The following GPHN variants were observed in gnomAD, a reference collection of about 807,000 sequenced individuals.
The protein encoded by GPHN is gephyrin.
In GPHN, 17 loss-of-function variants were observed where a neutral mutation model predicts 95.5. That is an observed-to-expected ratio of 0.18 (90% CI 0.12 to 0.27). The LOEUF (loss-of-function observed/expected upper bound fraction) is 0.27. Among genes scored for constraint, GPHN ranks in the 10% least tolerant of loss-of-function variants. The pLI is 1.00. For missense variants in GPHN, 660 were observed against 978.1 expected (o/e 0.67, Z 4.34); for synonymous variants, 320 against 322.5 (o/e 0.99, Z 0.08).
At chr14:66,756,400 G>T (rs141641050) in intron 2 of GPHN, among the ~76,000 whole-genome samples, 77 of 152,072 alleles carry the variant, frequency 5.1e-4, no homozygotes, top group African/African-American at 1.7e-3. Context: ...ATCTAAACCT[G>T]TGGTTGTGTA....
At chr14:67,717,951 T>G in the GPHN span, 1 of 152,206 alleles carries the variant, frequency 6.6e-6, no homozygotes, top group Non-Finnish European at 1.5e-5. Context: ...TAAGGGTTGC[T>G]GATCCCTTGA....
chr14:67,636,549 T>C, the GPHN span, among the ~76,000 whole-genome samples: 1 of 152,216 alleles, frequency 6.6e-6, no homozygotes, highest in Non-Finnish European at 1.5e-5. Context: ...GAAATAGAAG[T>C]GCTGTTCACA....
chr14:67,600,743 C>T, the GPHN span, among the ~76,000 whole-genome samples: 1 of 152,176 alleles, frequency 6.6e-6, no homozygotes, highest in East Asian at 1.9e-4. Context: ...CCACGCCCTG[C>T]TGATTTTTGT....
At chr14:67,089,112 T>G in intron 12 of GPHN, 37 bp downstream of exon 12, 1 of 780,476 alleles carries the variant, frequency 1.3e-6, no homozygotes. Context: ...AATCAGGCAC[T>G]GTATTTTTTT....
At chr14:67,492,076 C>T in the GPHN span, among the ~76,000 whole-genome samples, 71 of 152,310 alleles carry the variant, frequency 4.7e-4, 1 homozygote, top group Middle Eastern at 6.8e-3. Context: ...TTTCCCTCTC[C>T]TCTCCCCCTT....
the GPHN span, among the ~76,000 whole-genome samples, chr14:67,598,032 C>T: frequency 6.6e-6 from 1 of 152,142 alleles, no homozygotes; most frequent in African/African-American, 2.4e-5. Context: ...AATCCGTGCC[C>T]TACTATCTGC....
chr14:66,840,414 A>G (rs1208669652), intron 4 of GPHN, among the ~76,000 whole-genome samples: 2 of 152,152 alleles, frequency 1.3e-5, no homozygotes, highest in Non-Finnish European at 2.9e-5. Flanking sequence ...CTCAAATTTT[A>G]GTTATTGCTC....
intron 18 of GPHN, among the ~76,000 whole-genome samples, chr14:67,150,910 AT>A (rs1311426613): frequency 1.3e-5 from 2 of 152,128 alleles, no homozygotes; most frequent in Non-Finnish European, 2.9e-5. Flanking sequence ...TTTGCTACAG[AT>A]TTATCCTAAT....
intron 4 of GPHN, among the ~76,000 whole-genome samples, chr14:66,838,525 C>T (rs1489152629): frequency 1.3e-5 from 2 of 152,110 alleles, no homozygotes; most frequent in Non-Finnish European, 2.9e-5. Context: ...CCAGTTCACC[C>T]TTCCAAATCT....
At chr14:66,839,600 G>A (rs1426655438) in intron 4 of GPHN, among the ~76,000 whole-genome samples, 1 of 152,106 alleles carries the variant, frequency 6.6e-6, no homozygotes. Flanking sequence ...TTTGAATATT[G>A]TATAACTATA....
At chr14:66,595,388 A>G (rs577312807) in intron 1 of GPHN, among the ~76,000 whole-genome samples, 2 of 151,756 alleles carry the variant, frequency 1.3e-5, no homozygotes, top group South Asian at 2.1e-4. Context: ...CTAGCTGGGA[A>G]CCTCTGTGGC....
At chr14:67,464,814 C>T in the GPHN span, among the ~76,000 whole-genome samples, 3 of 152,244 alleles carry the variant, frequency 2.0e-5, no homozygotes, top group African/African-American at 7.2e-5. Context: ...AGCCTTCACA[C>T]ATGCTGTGCT....
At chr14:67,561,305 C>T in the GPHN span, among the ~76,000 whole-genome samples, 6 of 152,234 alleles carry the variant, frequency 3.9e-5, no homozygotes, top group African/African-American at 9.7e-5. Context: ...CCCAGCAGCA[C>T]TTTGGGAGAC....
At chr14:67,473,137 T>TG in the GPHN span, 1 of 454,668 alleles carries the variant, frequency 2.2e-6, no homozygotes, top group African/African-American at 2.0e-5. This position sits in a 1 kb window ranked among gnomAD's most constrained non-coding sequence, Gnocchi z 6.5. Flanking sequence ...ACATAGTCCA[T>TG]CGCTGCTCAG....
chr14:67,712,865 C>T, the GPHN span, among the ~76,000 whole-genome samples: 2 of 152,038 alleles, frequency 1.3e-5, no homozygotes, highest in Middle Eastern at 3.4e-3. Context: ...AATAAAGCCC[C>T]TTTAGTAATC....
the GPHN span, among the ~76,000 whole-genome samples, chr14:67,332,223 T>C: frequency 6.6e-6 from 1 of 152,198 alleles, no homozygotes; most frequent in Non-Finnish European, 1.5e-5. Flanking sequence ...GCTGCCTGCT[T>C]ATCTTTGTAA....
intron 16 of GPHN, among the ~76,000 whole-genome samples, chr14:67,119,553 G>T (rs1033251025): frequency 1.3e-5 from 2 of 152,176 alleles, no homozygotes; most frequent in African/African-American, 4.8e-5. Flanking sequence ...ACTTTGGGAG[G>T]CCGAGGTGGG....
the GPHN span, among the ~76,000 whole-genome samples, chr14:67,297,512 T>C: frequency 6.6e-6 from 1 of 152,186 alleles, no homozygotes; most frequent in Admixed American, 6.5e-5. Flanking sequence ...CTATACATGA[T>C]TGCGAATCTA....
intron 1 of GPHN, among the ~76,000 whole-genome samples, chr14:66,553,150 C>T (rs992260551): frequency 2.4e-4 from 36 of 151,894 alleles, no homozygotes; most frequent in Admixed American, 1.8e-3. Context: ...CTACCATGCC[C>T]GGCTAATTTT....
Sources: gnomAD v4.1 joint callset for allele counts (sites outside exome capture counted in the v4.1 genomes callset) on GRCh38, gnomAD v4.1.1 for gene constraint, Gnocchi (gnomAD v3.1) non-coding constraint, MANE v1.5 for transcripts, NCBI Gene and HGNC (gene_info 2026-07-23, HGNC 2026-07-21) for gene names.